The following TMTC3 variants were observed in gnomAD, a reference collection of about 807,000 sequenced individuals.
The protein encoded by TMTC3 is transmembrane O-mannosyltransferase targeting cadherins 3, also known as protein O-mannosyl-transferase TMTC3.
A neutral mutation model predicts 92.2 loss-of-function variants in TMTC3; 52 were observed. The ratio of observed to expected loss-of-function variants is 0.56; its 90% CI spans 0.45 to 0.71. TMTC3 has a LOEUF of 0.71. TMTC3 is among the 30% of genes least tolerant of loss of function. TMTC3 has a pLI of 0.00. For missense variants in TMTC3, 896 were observed against 1,057.1 expected (o/e 0.85, Z 2.11); for synonymous variants, 339 against 363.3 (o/e 0.93, Z 0.76).
chr12:88,150,328 T>C (rs1326579073), intron 2 of TMTC3, among the ~76,000 whole-genome samples: 3 of 152,164 alleles, frequency 2.0e-5, no homozygotes, highest in Non-Finnish European at 4.4e-5. Flanking sequence ...AGTGGGGTGG[T>C]GCTAAACCAT....
At chr12:88,151,407 A>C in intron 2 of TMTC3, among the ~76,000 whole-genome samples, 1 of 152,182 alleles carries the variant, frequency 6.6e-6, no homozygotes, top group East Asian at 1.9e-4. Context: ...TTTATTGCCA[A>C]CTAATATCAT....
rs1335299602 is a variant in TMTC3 at position 88,198,389 on chromosome 12, C to T, written c.*2740C>T. 1.3e-5 allele frequency: 5 copies of T among 397,982 alleles called. No individual in the cohort carries two copies. Among genetic ancestry groups the T allele is most frequent in the Non-Finnish European group, 2.2e-5 (5 of 225,688 alleles). The allele number at this position is 397,982 out of a possible 1,614,324, so 24.7% of individuals were successfully genotyped here. On this transcript the variant is annotated 3_prime_UTR_variant, in exon 14 of 14. Coordinates refer to ENST00000266712, the MANE Select transcript of TMTC3 (RefSeq NM_181783.4). ...TCTCACTGTCTCAAAAGAGAATCAG[C>T]TCTCCAGCAGTTCTAGAAAAGCTTT...
intron 2 of TMTC3, among the ~76,000 whole-genome samples, chr12:88,150,022 A>C (rs987678552): frequency 4.6e-5 from 7 of 152,196 alleles, no homozygotes; most frequent in Admixed American, 4.6e-4. Flanking sequence ...TGGCCATATT[A>C]AATGGTCTCA....
chr12:88,162,650 C>T (rs2041093237), intron 6 of TMTC3, among the ~76,000 whole-genome samples: 1 of 151,656 alleles, frequency 6.6e-6, no homozygotes, highest in Non-Finnish European at 1.5e-5. Flanking sequence ...TCTTTTATAT[C>T]TTCTATATCT....
chr12:88,153,579 G>A, intron 3 of TMTC3, 70 bp downstream of exon 3: 1 of 817,920 alleles, frequency 1.2e-6, no homozygotes, highest in South Asian at 2.3e-5. Flanking sequence ...GATTATAATG[G>A]TATATATTTT....
intron 7 of TMTC3, among the ~76,000 whole-genome samples, chr12:88,171,436 A>G (rs780286733): frequency 6.6e-6 from 1 of 152,084 alleles, no homozygotes; most frequent in African/African-American, 2.4e-5. Flanking sequence ...AATTCTACAT[A>G]CAAGTGAGAT....
chr12:88,195,220 A>G lies in TMTC3; in HGVS notation c.2316A>G (p.Gln772=), dbSNP rs1260469335. ...TGGAGATGGATCCAAGCAATGTGCA[A>G]GGAAAACACAATCTTTGTGTTGTTT... ...RILEMDPSNV[Q]GKHNLCVVYF... is the part of the protein sequence containing the mutation. Residue 772 remains glutamine (Q), a synonymous_variant, in exon 14 of 14, where the codon CAA becomes CAG. Transcript: ENST00000266712. 1 of 1,613,812 alleles carries G rather than the reference A, an allele frequency of 6.2e-7. No homozygotes were observed. Among genetic ancestry groups the G allele is most frequent in the Non-Finnish European group, 8.5e-7 (1 of 1,179,942 alleles).
chr12:88,165,385 G>C (rs1220873138), intron 6 of TMTC3, among the ~76,000 whole-genome samples: 1 of 152,020 alleles, frequency 6.6e-6, no homozygotes, highest in Admixed American at 6.6e-5. Flanking sequence ...GAGAATTCAA[G>C]TTCAGACTCA....
chr12:88,183,102 G>T (rs1051407557), intron 10 of TMTC3, among the ~76,000 whole-genome samples: 4 of 152,224 alleles, frequency 2.6e-5, no homozygotes, highest in African/African-American at 9.6e-5. Flanking sequence ...GTTCTGTATG[G>T]CTGGCTTTTA....
At chr12:88,174,334 T>C (rs2041236318) in intron 8 of TMTC3, among the ~76,000 whole-genome samples, 1 of 152,078 alleles carries the variant, frequency 6.6e-6, no homozygotes, top group South Asian at 2.1e-4. Context: ...AAATTGGTTT[T>C]TTCCATTTTT....
chr12:88,190,690 T>A (rs1466760061), intron 12 of TMTC3, 68 bp downstream of exon 12: 1 of 1,485,994 alleles, frequency 6.7e-7, no homozygotes, highest in African/African-American at 1.4e-5. Flanking sequence ...ACATTTTGAA[T>A]GAATTGGTTT....
intron 7 of TMTC3, among the ~76,000 whole-genome samples, chr12:88,168,392 C>T (rs2138398382): frequency 6.6e-6 from 1 of 152,216 alleles, no homozygotes; most frequent in East Asian, 1.9e-4. Flanking sequence ...TAATTCCTCC[C>T]TAAGGGAAGA....
intron 4 of TMTC3, among the ~76,000 whole-genome samples, chr12:88,155,154 TTGAG>T (rs1358196998): frequency 3.9e-5 from 6 of 152,146 alleles, no homozygotes; most frequent in Non-Finnish European, 8.8e-5. Context: ...TTAAAACAAT[TTGAG>T]TGGCAGCATA....
intron 1 of TMTC3, among the ~76,000 whole-genome samples, chr12:88,144,878 CTAT>C (rs1163195688): frequency 6.6e-6 from 1 of 152,130 alleles, no homozygotes; most frequent in East Asian, 1.9e-4. Flanking sequence ...ATTGGCAAAA[CTAT>C]TATTTTTCGT....
chr12:88,173,124 T>C (rs996339773), intron 8 of TMTC3: 2 of 1,197,354 alleles, frequency 1.7e-6, no homozygotes, highest in African/African-American at 1.6e-5. Context: ...ATAAAATGCA[T>C]ATAGTAAGCA....
At chr12:88,189,208 C>A (rs2041413200) in intron 11 of TMTC3, among the ~76,000 whole-genome samples, 1 of 151,790 alleles carries the variant, frequency 6.6e-6, no homozygotes, top group African/African-American at 2.4e-5. Context: ...ATTCTTCTGC[C>A]TCAGCCTCCC....
chr12:88,160,193 A>T lies in TMTC3; in HGVS notation c.588A>T (p.Gly196=). The T allele has an allele frequency of 6.3e-7, 1 of 1,588,364 alleles. No homozygotes were observed. The highest frequency in any genetic ancestry group is 8.5e-7 in the Non-Finnish European group (1 of 1,169,778). The change falls in exon 5 of 14, where the codon GGA becomes GGT. Residue 196 remains glycine (G), a synonymous_variant. Transcript: ENST00000266712. ...AAGAACAAGGAATAACAGTTGTAGG[A>T]ATTTGCTGTGTGTATGAAGTGTTTA... ...LCKEQGITVV[G]ICCVYEVFIA...
At chr12:88,193,229 G>A (rs2041463764) in intron 13 of TMTC3, among the ~76,000 whole-genome samples, 1 of 152,062 alleles carries the variant, frequency 6.6e-6, no homozygotes, top group South Asian at 2.1e-4. Context: ...CAAAAAAATA[G>A]CATTTTATTT....
intron 10 of TMTC3, among the ~76,000 whole-genome samples, chr12:88,179,520 T>A (rs1228775998): frequency 6.6e-6 from 1 of 152,120 alleles, no homozygotes; most frequent in Non-Finnish European, 1.5e-5. Context: ...TCAATAAATA[T>A]GAGCTGGTAA....
Sources: allele counts gnomAD v4.1 joint callset (sites outside exome capture counted in the v4.1 genomes callset), GRCh38; gene constraint gnomAD v4.1.1; transcripts MANE v1.5; gene names NCBI Gene and HGNC (gene_info 2026-07-23, HGNC 2026-07-21).